The following MGAT4C variants were observed in gnomAD, a reference collection of about 807,000 sequenced individuals.
MGAT4C encodes alpha-1,3-mannosyl-glycoprotein 4-beta-N-acetylglucosaminyltransferase C.
MGAT4C carries 19 observed loss-of-function variants against 40.1 expected under a neutral mutation model. That is an observed-to-expected ratio of 0.47 (90% CI 0.33 to 0.70). The LOEUF is 0.70. Ranked by LOEUF, MGAT4C falls within the 30% of genes least tolerant of loss-of-function variation. The pLI is 0.02. For synonymous variants in MGAT4C, 181 were observed against 187.1 expected, an observed-to-expected ratio of 0.97 and a Z score of 0.27; for missense variants, 491 against 563.2, an observed-to-expected ratio of 0.87 and a Z score of 1.30.
rs957154565 is a variant in MGAT4C, at chr12:86,105,596, T to A, written c.-56-55873A>T. On this transcript the variant is annotated intron_variant, in intron 1 of 4. Coordinates refer to ENST00000611864, the MANE Select transcript of MGAT4C (RefSeq NM_001351288.2). ...GTAAGAAATACCAGCAAGCTACATA[T>A]CAGAAAACGAATTCCATACTGTACT... 1.3e-5 allele frequency among the ~76,000 whole-genome samples: 2 copies of A among 152,132 alleles called. 1 individual carries two copies. The highest frequency in any genetic ancestry group is 4.1e-4 in the South Asian group (2 of 4,828).
At chr12:86,513,483 T>C (rs942449142) in intron 2 of MGAT4C, among the ~76,000 whole-genome samples, 7 of 152,186 alleles carry the variant, frequency 4.6e-5, no homozygotes, top group African/African-American at 1.7e-4. Context: ...CCTGCTGTAG[T>C]TTTATGGATG....
intron 3 of MGAT4C, chr12:86,334,175 C>T (rs1228715861): frequency 6.6e-6 from 1 of 152,048 alleles, no homozygotes; most frequent in African/African-American, 2.4e-5. Flanking sequence ...ATTCCACTGT[C>T]ACTTAGAATG....
rs547899228 is a variant in MGAT4C, at chr12:86,193,695, A to C, written c.-57+62544T>G. The stretch of plus-strand genomic sequence containing the variant: ...TAGTAACAGCATCATATTATCTTCT[A>C]GTTTCCATTGCTTATGTTATAAAGT... On this transcript the variant is annotated intron_variant, in intron 1 of 4. Coordinates refer to ENST00000611864, the MANE Select transcript of MGAT4C (RefSeq NM_001351288.2). Among the ~76,000 whole-genome samples the C allele has an allele frequency of 2.6e-5, 4 of 152,138 alleles. No homozygotes were observed. In the East Asian group the frequency reaches 7.7e-4, roughly 29 times the overall value.
intron 1 of MGAT4C, among the ~76,000 whole-genome samples, chr12:86,736,912 C>T (rs554673697): frequency 1.3e-5 from 2 of 151,102 alleles, no homozygotes; most frequent in East Asian, 2.0e-4. Context: ...CTTTCCTTCT[C>T]GTGGGCATTG....
At chr12:86,710,339 CATT>C (rs1384103621) in intron 2 of MGAT4C, among the ~76,000 whole-genome samples, 1 of 152,122 alleles carries the variant, frequency 6.6e-6, no homozygotes, top group Non-Finnish European at 1.5e-5. Context: ...AGTTATTCAT[CATT>C]GTCTCTGGTT....
At chr12:86,301,025 G>A (rs531337384) in intron 4 of MGAT4C, among the ~76,000 whole-genome samples, 37 of 152,266 alleles carry the variant, frequency 2.4e-4, no homozygotes, top group South Asian at 2.1e-3. Context: ...TCTCGTGGGA[G>A]CAGAAAAGTA....
At chr12:86,679,401 T>C (rs1330998285) in intron 2 of MGAT4C, among the ~76,000 whole-genome samples, 7 of 152,078 alleles carry the variant, frequency 4.6e-5, no homozygotes. Flanking sequence ...AATCCTATAG[T>C]GGTTTTCTGT....
intron 2 of MGAT4C, among the ~76,000 whole-genome samples, chr12:86,527,552 G>T (rs1352387551): frequency 1.3e-5 from 2 of 151,910 alleles, no homozygotes; most frequent in Non-Finnish European, 2.9e-5. Flanking sequence ...GATTTGATAG[G>T]GCTTGCATTG....
chr12:86,022,249 T>C (rs1416679599), intron 2 of MGAT4C, among the ~76,000 whole-genome samples: 1 of 152,210 alleles, frequency 6.6e-6, no homozygotes, highest in African/African-American at 2.4e-5. Context: ...GAAATGCTTT[T>C]AATACTTTCC....
intron 4 of MGAT4C, among the ~76,000 whole-genome samples, chr12:86,303,559 T>TA (rs67440846): frequency 0.66 from 96,174 of 145,782 alleles, 32,954 homozygotes; most frequent in South Asian, 0.77. Flanking sequence ...GGAAGACACT[T>TA]AAAAAAAAAA....
At chr12:86,710,936 G>C (rs964162272) in intron 2 of MGAT4C, among the ~76,000 whole-genome samples, 1 of 152,002 alleles carries the variant, frequency 6.6e-6, no homozygotes, top group East Asian at 1.9e-4. Context: ...ACTCAGGAAC[G>C]GAAAACCAAA....
At position 86,540,661 on chromosome 12, in the gene MGAT4C, G is replaced by A. The variant is rs972517903; in HGVS notation, c.-228-105396C>T. 6.6e-5 allele frequency among the ~76,000 whole-genome samples: 10 copies of A among 152,074 alleles called. No individual in the cohort carries two copies. In the East Asian group the frequency reaches 1.2e-3, roughly 18 times the overall value. On this transcript the variant is annotated intron_variant, in intron 2 of 7. Coordinates refer to the MGAT4C transcript ENST00000548651. ...TGAGGCAGAAGAATCTCTTGAAGCCGGGAGGCGGAGGTTGCAGTGAGCCGA... is the reference window on the plus strand; with the variant it reads ...TGAGGCAGAAGAATCTCTTGAAGCCAGGAGGCGGAGGTTGCAGTGAGCCGA...
At chr12:86,589,229 C>T (rs1165738782) in intron 2 of MGAT4C, among the ~76,000 whole-genome samples, 1 of 151,866 alleles carries the variant, frequency 6.6e-6, no homozygotes, top group East Asian at 1.9e-4. Flanking sequence ...ATATCACCAC[C>T]AATCCCACAG....
At chr12:86,740,392 G>A (rs1951050053) in intron 1 of MGAT4C, among the ~76,000 whole-genome samples, 1 of 151,000 alleles carries the variant, frequency 6.6e-6, no homozygotes, top group Admixed American at 6.6e-5. Flanking sequence ...CCAAATTGAA[G>A]AAGTTTGTAG....
intron 1 of MGAT4C, among the ~76,000 whole-genome samples, chr12:86,752,957 A>C (rs1318703970): frequency 6.6e-6 from 1 of 152,168 alleles, no homozygotes; most frequent in Non-Finnish European, 1.5e-5. Context: ...CTTCTAGAGG[A>C]AACATGGGAA....
intron 1 of MGAT4C, among the ~76,000 whole-genome samples, chr12:86,201,628 G>GC (rs1205939629): frequency 6.6e-6 from 1 of 151,586 alleles, no homozygotes; most frequent in Non-Finnish European, 1.5e-5. Context: ...GTTGCTTTTA[G>GC]TGTTGTTTTG....
intron 1 of MGAT4C, among the ~76,000 whole-genome samples, chr12:86,079,634 T>C (rs1870449560): frequency 6.6e-6 from 1 of 152,100 alleles, no homozygotes; most frequent in South Asian, 2.1e-4. Context: ...GGAATTTCCC[T>C]GGAAAATTAC....
intron 2 of MGAT4C, among the ~76,000 whole-genome samples, chr12:86,498,074 TGTA>T (rs147207240): frequency 0.027 from 4,046 of 150,264 alleles, 93 homozygotes; most frequent in South Asian, 0.067. Flanking sequence ...GTGCCATTAC[TGTA>T]GTAGATTTTT....
chr12:86,476,511 C>T (rs1319529599), intron 2 of MGAT4C, among the ~76,000 whole-genome samples: 1 of 151,996 alleles, frequency 6.6e-6, no homozygotes, highest in Non-Finnish European at 1.5e-5. Flanking sequence ...CTGTGGAAGG[C>T]AGTTTGGAGA....
Sources: gnomAD v4.1 joint callset for allele counts (sites outside exome capture counted in the v4.1 genomes callset) on GRCh38, gnomAD v4.1.1 for gene constraint, MANE v1.5 for transcripts, NCBI Gene and HGNC (gene_info 2026-07-23, HGNC 2026-07-21) for gene names.